Variants in PATJ observed in about 807,000 individuals in gnomAD.
PATJ encodes the protein PATJ crumbs cell polarity complex component, also known as inaD-like protein.
Under a neutral mutation model 224.9 loss-of-function variants are expected in PATJ, and 190 were observed. The observed-to-expected ratio is 0.84, with a 90% CI of 0.75 to 0.95. The LOEUF (loss-of-function observed/expected upper bound fraction) is 0.95, where lower values mean the gene tolerates loss of function less well. Among genes scored for constraint, PATJ ranks in the 40% least tolerant of loss-of-function variants. The pLI is 0.00. For missense variants in PATJ, 2,121 were observed against 2,270.3 expected, an observed-to-expected ratio of 0.93 and a Z score of 1.34; for synonymous variants, 769 against 820.3, an observed-to-expected ratio of 0.94 and a Z score of 1.07.
At chr1:61,944,325 T>C (rs1244731671) in intron 27 of PATJ, among the ~76,000 whole-genome samples, 1 of 152,070 alleles carries the variant, frequency 6.6e-6, no homozygotes. Context: ...CTAAAATCCT[T>C]GAAAAAAGAT....
chr1:62,150,521 A>G (rs1668510247), intron 42 of PATJ, among the ~76,000 whole-genome samples: 1 of 151,990 alleles, frequency 6.6e-6, no homozygotes, highest in Non-Finnish European at 1.5e-5. Flanking sequence ...GCCAGTTTTA[A>G]GAGAACTGGA....
At chr1:61,888,043 CTGAG>C in intron 22 of PATJ, among the ~76,000 whole-genome samples, 1 of 152,282 alleles carries the variant, frequency 6.6e-6, no homozygotes, top group South Asian at 2.1e-4. Flanking sequence ...TAGCCCATAT[CTGAG>C]TGGAAGGAAG....
At chr1:62,107,674 G>C (rs1663265685) in intron 33 of PATJ, among the ~76,000 whole-genome samples, 1 of 152,082 alleles carries the variant, frequency 6.6e-6, no homozygotes, top group African/African-American at 2.4e-5. Context: ...GCAACAACCT[G>C]TGGTAGTATT....
At chr1:61,912,508 C>T (rs1482154075) in intron 25 of PATJ, among the ~76,000 whole-genome samples, 1 of 151,624 alleles carries the variant, frequency 6.6e-6, no homozygotes, top group Non-Finnish European at 1.5e-5. Context: ...ACAAGAATTG[C>T]TTGAACCTGG....
rs1353563541 is a variant in PATJ at position 62,086,553 on chromosome 1, T to C, written c.4377+1905T>C. Among the ~76,000 whole-genome samples, 3 of 152,160 alleles carry C rather than the reference T, an allele frequency of 2.0e-5. No individual in the cohort carries two copies. Among genetic ancestry groups the C allele is most frequent in the Non-Finnish European group, 4.4e-5 (3 of 68,014 alleles). ...TTGTACATGCCAGATAAAACAAACATATCAGGGTCTATAAAACTATTTTTT... is the reference window on the plus strand; with the variant it reads ...TTGTACATGCCAGATAAAACAAACACATCAGGGTCTATAAAACTATTTTTT... On this transcript the variant is annotated intron_variant, in intron 33 of 43. Coordinates refer to ENST00000642238, the MANE Select transcript of PATJ (RefSeq NM_001350145.3). This position sits in a 1 kb window ranked among gnomAD's most constrained non-coding sequence, Gnocchi z 4.0.
intron 13 of PATJ, among the ~76,000 whole-genome samples, 174 bp from the exon 14 acceptor site, chr1:61,808,297 CAAA>C (rs1474373450): frequency 2.6e-5 from 4 of 151,874 alleles, no homozygotes; most frequent in African/African-American, 7.3e-5. Flanking sequence ...ACAAAAAAAT[CAAA>C]TATACTCTGA....
chr1:61,826,404 T>G (rs1440688883), intron 15 of PATJ, among the ~76,000 whole-genome samples: 1 of 73,942 alleles, frequency 1.4e-5, no homozygotes, highest in African/African-American at 4.2e-5. Context: ...TAGAAATATC[T>G]TTAAAACAAA....
intron 17 of PATJ, among the ~76,000 whole-genome samples, chr1:61,837,232 T>A (rs1309705293): frequency 6.6e-6 from 1 of 152,230 alleles, no homozygotes; most frequent in Non-Finnish European, 1.5e-5. Flanking sequence ...TATTAACAAT[T>A]ATTCAGTTTA....
intron 41 of PATJ, among the ~76,000 whole-genome samples, chr1:62,137,341 A>G: frequency 7.0e-6 from 1 of 143,376 alleles, no homozygotes; most frequent in Admixed American, 7.1e-5. Flanking sequence ...AGTGAGGGGG[A>G]AACCCATTGG....
chr1:62,109,069 A>G (rs1013243337), intron 34 of PATJ, among the ~76,000 whole-genome samples: 2 of 152,194 alleles, frequency 1.3e-5, no homozygotes, highest in African/African-American at 2.4e-5. Context: ...ACTCTCATTT[A>G]GCAAAGTTGT....
At chr1:62,029,577 A>T (rs530559295) in intron 29 of PATJ, among the ~76,000 whole-genome samples, 2 of 152,380 alleles carry the variant, frequency 1.3e-5, no homozygotes, top group South Asian at 4.1e-4. Context: ...ATAATGTTAT[A>T]TCAACAAAGT....
chr1:62,003,575 T>A (rs1261982170), intron 28 of PATJ, among the ~76,000 whole-genome samples: 2 of 152,252 alleles, frequency 1.3e-5, no homozygotes, highest in Non-Finnish European at 2.9e-5. Flanking sequence ...TCCATTAAAC[T>A]GAGTCCTTGA....
At chr1:62,023,272 AAG>A (rs1401989995) in intron 29 of PATJ, among the ~76,000 whole-genome samples, 1 of 150,948 alleles carries the variant, frequency 6.6e-6, no homozygotes, top group Non-Finnish European at 1.5e-5. Context: ...CCTGGGCAAA[AAG>A]AGTGAAAGTC....
chr1:62,021,940 C>T (rs1276762885), intron 29 of PATJ, among the ~76,000 whole-genome samples: 1 of 152,120 alleles, frequency 6.6e-6, no homozygotes, highest in African/African-American at 2.4e-5. Context: ...TATTTCTTTA[C>T]AATTTGCACT....
At chr1:61,793,590 A>T (rs1650349282) in intron 9 of PATJ, among the ~76,000 whole-genome samples, 1 of 151,898 alleles carries the variant, frequency 6.6e-6, no homozygotes, top group Non-Finnish European at 1.5e-5. Flanking sequence ...AAAATAAAAA[A>T]AAATTGTAGC....
chr1:61,769,168 G>C, intron 4 of PATJ, 115 bp from the exon 5 acceptor site: 2 of 903,550 alleles, frequency 2.2e-6, no homozygotes, highest in Non-Finnish European at 1.6e-6. Flanking sequence ...GAAATGCTGA[G>C]TTTATGTGGT....
At position 61,833,741 on chromosome 1, in the gene PATJ, G is replaced by A. The variant is rs769449582; in HGVS notation, c.2068G>A (p.Val690Ile). The A allele has an allele frequency of 5.1e-5, 83 of 1,613,664 alleles. No individual in the cohort carries two copies. Among genetic ancestry groups the A allele is most frequent in the Non-Finnish European group, 7.0e-5 (82 of 1,179,684 alleles). ...CCCTGAAGTCAAGATTGTTGAACTA[G>A]TAAAAGATTGTAAAGGTTTGGGATT... ...WSPEVKIVEL[V>I]KDCKGLGFSI... Residue 690 changes from valine (V) to isoleucine (I), a missense_variant, in exon 17 of 44, where the codon GTA (valine) becomes ATA (isoleucine). Coordinates refer to ENST00000642238, the MANE Select transcript of PATJ (RefSeq NM_001350145.3).
Position 61,952,200 on chromosome 1 carries a change from T to C in PATJ, c.3670+24371T>C, listed in dbSNP as rs568085105. On this transcript the variant is annotated intron_variant, in intron 27 of 43. Coordinates refer to ENST00000642238, the MANE Select transcript of PATJ (RefSeq NM_001350145.3). ...CTAGCTTGAAATTAGCTTAATTGATTGCTTTTCCTGATATAAATAGATTGA... is the reference window on the plus strand; with the variant it reads ...CTAGCTTGAAATTAGCTTAATTGATCGCTTTTCCTGATATAAATAGATTGA... 4.5e-5 allele frequency: 22 copies of C among 487,234 alleles called. 1 individual carries two copies. The highest frequency in any genetic ancestry group is 4.3e-4 in the African/African-American group (22 of 51,272). The allele number at this position is 487,234 out of a possible 1,614,324, so 30.2% of individuals were successfully genotyped here.
At position 61,775,221 on chromosome 1, in the gene PATJ, G is replaced by A; in HGVS notation, c.736G>A (p.Val246Ile). 1.9e-6 allele frequency: 3 copies of A among 1,610,466 alleles called. No homozygotes were observed. The highest frequency in any genetic ancestry group is 1.7e-6 in the Non-Finnish European group (2 of 1,178,930). ...TAATTTGTAGGTTTGTTGGGGCCAT[G>A]TTGAAGAGGTTGAGCTCATTAATGA... ...TLPETVCWGH[V>I]EEVELINDGS... Residue 246 changes from valine (V) to isoleucine (I), a missense_variant, in exon 7 of 44, where the codon GTT becomes ATT. Val to Ile is a conservative substitution (Grantham distance 29). Coordinates refer to ENST00000642238, the MANE Select transcript of PATJ (RefSeq NM_001350145.3).
Sources: allele counts gnomAD v4.1 joint callset (sites outside exome capture counted in the v4.1 genomes callset), GRCh38; gene constraint gnomAD v4.1.1; non-coding constraint Gnocchi (gnomAD v3.1); transcripts MANE v1.5; gene names NCBI Gene and HGNC (gene_info 2026-07-23, HGNC 2026-07-21).